MYO1E: variants seen among roughly 807,000 people sequenced by gnomAD.
The protein encoded by MYO1E is unconventional myosin-Ie.
In MYO1E, 68 loss-of-function variants were observed where a neutral mutation model predicts 151.1. That is an observed-to-expected ratio of 0.45 (90% CI 0.37 to 0.55). MYO1E has a LOEUF of 0.55. Ranked by LOEUF, MYO1E falls within the 20% of genes least tolerant of loss-of-function variation. MYO1E has a pLI of 0.00. For synonymous variants in MYO1E, 601 were observed against 501.7 expected (o/e 1.20, Z -2.64); for missense variants, 1,363 against 1,389.3 (o/e 0.98, Z 0.30).
intron 4 of MYO1E, among the ~76,000 whole-genome samples, chr15:59,243,553 T>G (rs1400072431): frequency 6.6e-6 from 1 of 152,170 alleles, no homozygotes; most frequent in Non-Finnish European, 1.5e-5. Flanking sequence ...AGAGTCTGTG[T>G]CAGGGGCAAG....
Position 59,269,409 on chromosome 15 carries a change from A to G in MYO1E, c.147+2897T>C, listed in dbSNP as rs2080276292. ...CCTGCCACCCAGCTCCTTCTAATCA[A>G]TTAACTGCCAGTTTTCATGTGCTGT... On this transcript the variant is annotated intron_variant, in intron 2 of 27. Coordinates refer to ENST00000288235, the MANE Select transcript of MYO1E (RefSeq NM_004998.4). Among the ~76,000 whole-genome samples, 4 of 152,310 alleles carry G rather than the reference A, an allele frequency of 2.6e-5. 1 individual carries two copies.
chr15:59,171,891 A>G lies in MYO1E; in HGVS notation c.2480+6T>C. 6.2e-7 allele frequency: 1 copy of G among 1,613,938 alleles called. No homozygotes were observed. Among genetic ancestry groups the G allele is most frequent in the South Asian group, 1.1e-5 (1 of 91,074 alleles). On this transcript the variant is annotated splice_donor_region_variant and intron_variant, in intron 22 of 27. Transcript: ENST00000288235. ...GCAGTCCTGCCTCTGCACCTCCACT[A>G]CTCACCTGAGGGACACAGACAAGAT...
intron 1 of MYO1E, among the ~76,000 whole-genome samples, chr15:59,287,025 T>G (rs1317352447): frequency 1.3e-5 from 2 of 152,156 alleles, no homozygotes; most frequent in Non-Finnish European, 2.9e-5. Flanking sequence ...GGCCGCTCAA[T>G]GTGTGATCAC....
At chr15:59,332,593 G>A (rs1163068976) in intron 1 of MYO1E, among the ~76,000 whole-genome samples, 1 of 152,148 alleles carries the variant, frequency 6.6e-6, no homozygotes, top group Non-Finnish European at 1.5e-5. Context: ...TCCACAGCAG[G>A]ATTGTCAGTG....
At chr15:59,330,820 G>A (rs1197865252) in intron 1 of MYO1E, among the ~76,000 whole-genome samples, 3 of 152,116 alleles carry the variant, frequency 2.0e-5, no homozygotes, top group Non-Finnish European at 4.4e-5. Flanking sequence ...CTAGGCTGAA[G>A]TGCAGTGGTG....
chr15:59,296,058 C>T (rs1236462396), intron 1 of MYO1E, among the ~76,000 whole-genome samples: 1 of 152,132 alleles, frequency 6.6e-6, no homozygotes, highest in Admixed American at 6.5e-5. Flanking sequence ...AACACAATTT[C>T]TAAGCATACT....
intron 4 of MYO1E, among the ~76,000 whole-genome samples, chr15:59,255,767 C>A (rs1015217886): frequency 3.3e-5 from 5 of 152,204 alleles, no homozygotes; most frequent in African/African-American, 7.2e-5. Context: ...TTGGGCCACA[C>A]TGAAAGCTGT....
intron 18 of MYO1E, among the ~76,000 whole-genome samples, chr15:59,181,967 T>C (rs1299579017): frequency 1.3e-5 from 2 of 152,154 alleles, no homozygotes; most frequent in East Asian, 3.9e-4. Context: ...CATCATAGGA[T>C]GAGACAGTTG....
At chr15:59,245,327 C>A (rs969728065) in intron 4 of MYO1E, among the ~76,000 whole-genome samples, 37 of 152,134 alleles carry the variant, frequency 2.4e-4, no homozygotes, top group African/African-American at 8.4e-4. Context: ...TTTACTACTG[C>A]AAAAATTACA....
At chr15:59,251,387 A>G (rs2080164262) in intron 4 of MYO1E, among the ~76,000 whole-genome samples, 1 of 152,212 alleles carries the variant, frequency 6.6e-6, no homozygotes, top group Admixed American at 6.5e-5. Flanking sequence ...AGTGTCATGA[A>G]AAAAAACAGC....
At chr15:59,353,933 C>G (rs1258530592) in intron 1 of MYO1E, among the ~76,000 whole-genome samples, 1 of 152,106 alleles carries the variant, frequency 6.6e-6, no homozygotes. Context: ...CATAAATAGG[C>G]TCCAAAATAA....
At chr15:59,251,612 T>C (rs1334069661) in intron 4 of MYO1E, among the ~76,000 whole-genome samples, 2 of 152,214 alleles carry the variant, frequency 1.3e-5, no homozygotes, top group East Asian at 3.8e-4. Context: ...TTCTCAGAGA[T>C]GCATGTGGAA....
At chr15:59,258,026 T>C (rs1318174107) in intron 3 of MYO1E, among the ~76,000 whole-genome samples, 3 of 152,150 alleles carry the variant, frequency 2.0e-5, no homozygotes, top group Non-Finnish European at 2.9e-5. Flanking sequence ...ATAAGATTTT[T>C]GGGCAGAAAA....
intron 17 of MYO1E, among the ~76,000 whole-genome samples, chr15:59,193,623 G>A (rs1334919003): frequency 5.9e-5 from 9 of 152,162 alleles, no homozygotes; most frequent in African/African-American, 2.2e-4. Context: ...AAACACGACG[G>A]TCACCTCGAA....
At chr15:59,262,163 T>C (rs1407124577) in intron 2 of MYO1E, among the ~76,000 whole-genome samples, 4 of 150,788 alleles carry the variant, frequency 2.7e-5, no homozygotes, top group African/African-American at 9.8e-5. Flanking sequence ...GCCAAGATCA[T>C]GTCACTGCAC....
chr15:59,193,646 G>A (rs1488299900), intron 17 of MYO1E, among the ~76,000 whole-genome samples: 3 of 152,148 alleles, frequency 2.0e-5, no homozygotes. Context: ...AACAGAAAAG[G>A]TGTCCAGTGG....
At chr15:59,287,375 C>T (rs2080393446) in intron 1 of MYO1E, among the ~76,000 whole-genome samples, 1 of 152,212 alleles carries the variant, frequency 6.6e-6, no homozygotes, top group South Asian at 2.1e-4. Context: ...GGGCTACCTG[C>T]AGTTGCTGCC....
intron 1 of MYO1E, among the ~76,000 whole-genome samples, chr15:59,349,806 T>A (rs1283736024): frequency 6.6e-6 from 1 of 152,210 alleles, no homozygotes; most frequent in Non-Finnish European, 1.5e-5. Flanking sequence ...TATTTCCAAC[T>A]GAAGCATTTC....
At chr15:59,331,423 C>A (rs2080697309) in intron 1 of MYO1E, among the ~76,000 whole-genome samples, 1 of 152,234 alleles carries the variant, frequency 6.6e-6, no homozygotes, top group Admixed American at 6.5e-5. Context: ...AGGTCAGCAA[C>A]ATATCAGAAA....
Sources: allele counts gnomAD v4.1 joint callset (sites outside exome capture counted in the v4.1 genomes callset), GRCh38; gene constraint gnomAD v4.1.1; transcripts MANE v1.5; gene names NCBI Gene and HGNC (gene_info 2026-07-23, HGNC 2026-07-21).